The following NLGN1 variants were observed in gnomAD, a reference collection of about 807,000 sequenced individuals.
NLGN1 encodes the protein neuroligin-1.
NLGN1 carries 12 observed loss-of-function variants against 65.5 expected under a neutral mutation model. That is an observed-to-expected ratio of 0.18 (90% CI 0.12 to 0.30). The LOEUF (loss-of-function observed/expected upper bound fraction) is 0.30, where lower values mean the gene tolerates loss of function less well. Ranked by LOEUF, NLGN1 falls within the 10% of genes least tolerant of loss-of-function variation. The pLI is 1.00. For synonymous variants in NLGN1, 350 were observed against 359.5 expected (o/e 0.97, Z 0.30); for missense variants, 750 against 1,007.1 (o/e 0.74, Z 3.46).
At chr3:174,175,309 T>C (rs1729243677) in intron 4 of NLGN1, among the ~76,000 whole-genome samples, 1 of 151,940 alleles carries the variant, frequency 6.6e-6, no homozygotes, top group Non-Finnish European at 1.5e-5. Flanking sequence ...TATATCTGAG[T>C]GTTCCAGTGT....
chr3:174,187,398 T>G (rs1324680718), intron 4 of NLGN1, among the ~76,000 whole-genome samples: 1 of 152,010 alleles, frequency 6.6e-6, no homozygotes, highest in Non-Finnish European at 1.5e-5. Context: ...AAACCCCTGG[T>G]GGAGGATGAG....
intron 4 of NLGN1, among the ~76,000 whole-genome samples, chr3:174,121,882 A>G (rs533203341): frequency 6.6e-6 from 1 of 152,330 alleles, no homozygotes; most frequent in African/African-American, 2.4e-5. Context: ...CTGAGCCTAC[A>G]TGAGCATATA....
intron 4 of NLGN1, among the ~76,000 whole-genome samples, chr3:173,848,972 G>T (rs1284440794): frequency 6.6e-6 from 1 of 152,036 alleles, no homozygotes; most frequent in African/African-American, 2.4e-5. Context: ...GAGGGTGAAG[G>T]GTTGCATATG....
Position 174,003,532 on chromosome 3 carries a change from T to C in NLGN1, c.646+195700T>C, listed in dbSNP as rs533788866. On this transcript the variant is annotated intron_variant, in intron 4 of 6. Transcript: ENST00000457714. ...AACCAAATGATCTGTGGAAACTCTT[T>C]ATTTCATATTCTAAATCCTGCTTAG... is the stretch of plus-strand genomic sequence containing the variant. Among the ~76,000 whole-genome samples, 10 of 152,310 alleles carry C rather than the reference T, an allele frequency of 6.6e-5. No homozygotes were observed. The East Asian group carries it at 1.9e-3, about 29-fold the overall frequency.
intron 4 of NLGN1, among the ~76,000 whole-genome samples, chr3:173,856,537 A>T (rs147800305): frequency 6.6e-6 from 1 of 152,254 alleles, no homozygotes; most frequent in African/African-American, 2.4e-5. Context: ...AAAGTTCTTT[A>T]TTAAGAACTT....
At chr3:173,602,219 A>G (rs1416296303) in intron 2 of NLGN1, among the ~76,000 whole-genome samples, 1 of 152,090 alleles carries the variant, frequency 6.6e-6, no homozygotes, top group East Asian at 1.9e-4. Flanking sequence ...TAATATACTA[A>G]GGAAGCATCA....
intron 3 of NLGN1, among the ~76,000 whole-genome samples, chr3:173,742,706 T>C (rs1774834260): frequency 6.6e-6 from 1 of 152,162 alleles, no homozygotes; most frequent in Non-Finnish European, 1.5e-5. Context: ...GAGAGTTCAG[T>C]CTACATTTCT....
intron 2 of NLGN1, among the ~76,000 whole-genome samples, chr3:173,537,179 G>A (rs1275161435): frequency 6.6e-6 from 1 of 152,170 alleles, no homozygotes; most frequent in East Asian, 1.9e-4. Context: ...TCATGGCTCA[G>A]TCAGGTTGAC....
At chr3:173,564,645 A>G (rs1743332008) in intron 2 of NLGN1, among the ~76,000 whole-genome samples, 2 of 152,210 alleles carry the variant, frequency 1.3e-5, no homozygotes, top group Non-Finnish European at 2.9e-5. Flanking sequence ...AAGATGGTGT[A>G]ACTTTCATTA....
chr3:174,017,577 G>A (rs1726847328), intron 4 of NLGN1, among the ~76,000 whole-genome samples: 1 of 152,120 alleles, frequency 6.6e-6, no homozygotes, highest in Non-Finnish European at 1.5e-5. Context: ...ATTTCCCTAA[G>A]TGTCGGGCAG....
intron 4 of NLGN1, among the ~76,000 whole-genome samples, chr3:173,851,171 G>A (rs1726855003): frequency 1.3e-5 from 2 of 151,872 alleles, no homozygotes; most frequent in Non-Finnish European, 2.9e-5. Flanking sequence ...CATTTTCCTC[G>A]AAGTTTGCAC....
chr3:173,854,855 T>C (rs867522237), intron 4 of NLGN1, among the ~76,000 whole-genome samples: 7 of 152,120 alleles, frequency 4.6e-5, no homozygotes, highest in Non-Finnish European at 8.8e-5. Context: ...TCATTACATC[T>C]AGCGGGTAGA....
chr3:173,506,278 G>A (rs1389579143), intron 2 of NLGN1, among the ~76,000 whole-genome samples: 18 of 151,966 alleles, frequency 1.2e-4, no homozygotes, highest in Non-Finnish European at 4.4e-5. Context: ...ATGTCTTCCT[G>A]TTAGAGTCTA....
intron 3 of NLGN1, among the ~76,000 whole-genome samples, chr3:173,659,308 A>C (rs1436152876): frequency 6.6e-6 from 1 of 152,018 alleles, no homozygotes; most frequent in Non-Finnish European, 1.5e-5. Flanking sequence ...AAACCATATT[A>C]AAGAAAGGGC....
intron 3 of NLGN1, among the ~76,000 whole-genome samples, chr3:173,790,684 G>T (rs973517220): frequency 6.6e-6 from 1 of 151,506 alleles, no homozygotes; most frequent in African/African-American, 2.4e-5. Flanking sequence ...TGTGAGTATG[G>T]TTGTGTGTGT....
At chr3:173,419,214 A>G (rs942488748) in intron 1 of NLGN1, among the ~76,000 whole-genome samples, 4 of 151,386 alleles carry the variant, frequency 2.6e-5, no homozygotes, top group African/African-American at 9.7e-5. Context: ...TCTTACAGAC[A>G]AAGTACATGA....
At chr3:174,079,898 G>A (rs1300793977) in intron 4 of NLGN1, among the ~76,000 whole-genome samples, 1 of 152,072 alleles carries the variant, frequency 6.6e-6, no homozygotes, top group Non-Finnish European at 1.5e-5. Context: ...GGTGGAGGAT[G>A]GAAGGAGGGA....
chr3:173,404,565 A>G (rs1397205112), intron 1 of NLGN1, among the ~76,000 whole-genome samples: 1 of 152,162 alleles, frequency 6.6e-6, no homozygotes, highest in Non-Finnish European at 1.5e-5. Flanking sequence ...TTAATGGAAG[A>G]TATATTTGAA....
At chr3:173,582,800 C>CT (rs947663655) in intron 2 of NLGN1, among the ~76,000 whole-genome samples, 99 of 151,884 alleles carry the variant, frequency 6.5e-4, no homozygotes, top group Middle Eastern at 3.4e-3. Context: ...TGGACTTTGG[C>CT]TTTTTTATGT....
Sources: allele counts gnomAD v4.1 joint callset (sites outside exome capture counted in the v4.1 genomes callset), GRCh38; gene constraint gnomAD v4.1.1; transcripts MANE v1.5; gene names NCBI Gene and HGNC (gene_info 2026-07-23, HGNC 2026-07-21).